Variants in EXT1 observed in about 807,000 individuals in gnomAD.
EXT1 encodes exostosin glycosyltransferase 1.
Under a neutral mutation model 82.5 loss-of-function variants are expected in EXT1, and 20 were observed. The ratio of observed to expected loss-of-function variants is 0.24; its 90% CI spans 0.17 to 0.35. EXT1 has a LOEUF of 0.35. Among genes scored for constraint, EXT1 ranks in the 10% least tolerant of loss-of-function variants. The probability of loss-of-function intolerance (pLI) is 1.00; values close to 1 mark genes in which losing one functional copy is unlikely to be tolerated. For synonymous variants in EXT1, 348 were observed against 350.8 expected, an observed-to-expected ratio of 0.99 and a Z score of 0.09; for missense variants, 757 against 936.5, an observed-to-expected ratio of 0.81 and a Z score of 2.50.
At chr8:117,927,121 CAG>C (rs1275677913) in intron 1 of EXT1, among the ~76,000 whole-genome samples, 1 of 152,184 alleles carries the variant, frequency 6.6e-6, no homozygotes, top group Non-Finnish European at 1.5e-5. Context: ...AGGATAAAGG[CAG>C]AGTTACAAAC....
chr8:117,819,173 G>A (rs894138648), intron 6 of EXT1, among the ~76,000 whole-genome samples: 7 of 152,154 alleles, frequency 4.6e-5, no homozygotes, highest in Non-Finnish European at 7.4e-5. Context: ...TTCAATATGG[G>A]AGGAACACTG....
intron 8 of EXT1, among the ~76,000 whole-genome samples, chr8:117,811,865 C>T (rs1321146170): frequency 6.6e-6 from 1 of 152,212 alleles, no homozygotes; most frequent in African/African-American, 2.4e-5. Context: ...CTGCCCGCCT[C>T]AGCCTCCCAA....
At position 117,807,261 on chromosome 8, in the gene EXT1, C is replaced by T. The variant is rs765677175; in HGVS notation, c.1839G>A (p.Thr613=). The change falls in exon 9 of 11, where the codon ACG becomes ACA. Residue 613 remains threonine, a synonymous_variant. Coordinates refer to ENST00000378204, the MANE Select transcript of EXT1 (RefSeq NM_000127.3). ...CTGTCAACACCATGGAGTAGTCGTT[C>T]GTCCACTTTGATGTGTATCCCCACC... The part of the protein sequence containing the change: ...KERWGYTSKW[T]NDYSMVLTGA... The T allele has an allele frequency of 3.1e-5, 50 of 1,614,092 alleles. No homozygotes were observed. Among genetic ancestry groups the T allele is most frequent in the Middle Eastern group, 1.6e-4 (1 of 6,082 alleles).
rs1816977241 is a variant in EXT1, at chr8:118,065,949, A to C, written c.962+44136T>G. On this transcript the variant is annotated intron_variant, in intron 1 of 10. Coordinates refer to ENST00000378204, the MANE Select transcript of EXT1 (RefSeq NM_000127.3). ...TTCAGTTGCACATTTGAAGAGAAAG[A>C]GGAGGTGAGAAGAAACTGGACACAA... is the stretch of plus-strand genomic sequence containing the variant. Among the ~76,000 whole-genome samples the C allele has an allele frequency of 2.0e-5, 3 of 152,352 alleles. 1 individual carries two copies. The highest frequency in any genetic ancestry group is 6.8e-3 in the Middle Eastern group (2 of 294).
intron 1 of EXT1, among the ~76,000 whole-genome samples, chr8:117,886,048 C>G (rs1255433052): frequency 1.3e-5 from 2 of 152,142 alleles, no homozygotes; most frequent in East Asian, 3.9e-4. Flanking sequence ...CTCCCTGAAT[C>G]TCAGTTTTAA....
At chr8:117,819,558 A>C in intron 6 of EXT1, 118 bp downstream of exon 6, 1 of 812,092 alleles carries the variant, frequency 1.2e-6, no homozygotes, top group Non-Finnish European at 2.2e-6. Context: ...GTAGCAGGGT[A>C]TGATGTTAGA....
chr8:118,102,654 T>C (rs894920823), intron 1 of EXT1, among the ~76,000 whole-genome samples: 3 of 152,204 alleles, frequency 2.0e-5, no homozygotes, highest in African/African-American at 7.2e-5. Flanking sequence ...CCAGGGTACT[T>C]GGATATGCAG....
Position 117,874,575 on chromosome 8 carries a change from C to CAAAAAAAAAAAAAAAAAAAAAAAAAAA in EXT1, c.963-37375_963-37374insTTTTTTTTTTTTTTTTTTTTTTTTTTT, listed in dbSNP as rs61249983. Among the ~76,000 whole-genome samples the CAAAAAAAAAAAAAAAAAAAAAAAAAAA allele has an allele frequency of 1.6e-3, 109 of 69,722 alleles. 1 individual carries two copies. The highest frequency in any genetic ancestry group is 3.2e-3 in the East Asian group (6 of 1,890). 45.7% of individuals were successfully genotyped at this position (69,722 alleles called of 152,430 possible). A position where few individuals can be genotyped will look rare whatever the true frequency, so the allele number is the denominator to read the frequency against. On this transcript the variant is annotated intron_variant, in intron 1 of 10. Transcript: ENST00000378204. ...TAGGCAACAAAGTGAGACTCTGCCTCAAAAAAAAAAAAAAAAAAGAACAAT... is the reference window on the plus strand; with the variant it reads ...TAGGCAACAAAGTGAGACTCTGCCTCAAAAAAAAAAAAAAAAAAAAAAAAAAAAAAAAAAAAAAAAAAAAAGAACAAT...
intron 1 of EXT1, among the ~76,000 whole-genome samples, chr8:117,930,627 C>T (rs1034993971): frequency 6.6e-6 from 1 of 152,132 alleles, no homozygotes; most frequent in Non-Finnish European, 1.5e-5. Flanking sequence ...ATATAAGTAA[C>T]ATGACAAGTT....
At chr8:118,091,894 G>A in intron 1 of EXT1, among the ~76,000 whole-genome samples, 1 of 151,990 alleles carries the variant, frequency 6.6e-6, no homozygotes, top group East Asian at 1.9e-4. Context: ...AAGTTTTTCT[G>A]CACTAAAAGG....
At position 118,052,860 on chromosome 8, in the gene EXT1, C is replaced by G. The variant is rs566357796; in HGVS notation, c.962+57225G>C. ...GAGCTTACAAATAATCTGCCTTCCCCAAGGTACATGGCTCCAGGACACCTC... is the reference window on the plus strand; with the variant it reads ...GAGCTTACAAATAATCTGCCTTCCCGAAGGTACATGGCTCCAGGACACCTC... On this transcript the variant is annotated intron_variant, in intron 1 of 10. Transcript: ENST00000378204. Among the ~76,000 whole-genome samples the G allele has an allele frequency of 2.6e-3, 390 of 152,310 alleles. 3 individuals are homozygous for G. The highest frequency in any genetic ancestry group is 2.4e-3 in the Non-Finnish European group (165 of 68,024).
At chr8:118,018,475 A>G (rs1364769433) in intron 1 of EXT1, among the ~76,000 whole-genome samples, 2 of 152,136 alleles carry the variant, frequency 1.3e-5, no homozygotes, top group Admixed American at 6.6e-5. Flanking sequence ...ACGGAAGGAA[A>G]ACAGCCCTGG....
chr8:117,803,075 T>A (rs900851998), intron 10 of EXT1, among the ~76,000 whole-genome samples: 20 of 152,244 alleles, frequency 1.3e-4, no homozygotes, highest in African/African-American at 4.6e-4. Flanking sequence ...CCCCTCAAAA[T>A]TGAACTAATA....
At chr8:118,092,250 G>A (rs1253623431) in intron 1 of EXT1, among the ~76,000 whole-genome samples, 2 of 152,138 alleles carry the variant, frequency 1.3e-5, no homozygotes, top group African/African-American at 2.4e-5. Flanking sequence ...TTGAAAAGGA[G>A]ATATAGAAAA....
chr8:118,010,687 C>T (rs72673985), intron 1 of EXT1, among the ~76,000 whole-genome samples: 4,646 of 152,276 alleles, frequency 0.031, 73 homozygotes, highest in Non-Finnish European at 0.038. Context: ...GCTCCCAGTA[C>T]CCTGGGCTGA....
intron 1 of EXT1, among the ~76,000 whole-genome samples, chr8:118,009,748 A>C (rs965639530): frequency 1.3e-5 from 2 of 152,290 alleles, no homozygotes; most frequent in African/African-American, 4.8e-5. Flanking sequence ...CACGCTCCTT[A>C]TGAGAGTCTA....
In EXT1 at chr8:118,060,724, C is replaced by T. The variant is rs111588043; in HGVS notation, c.962+49361G>A. On this transcript the variant is annotated intron_variant, in intron 1 of 10. Coordinates refer to ENST00000378204, the MANE Select transcript of EXT1 (RefSeq NM_000127.3). ...TAAAGGAGAGATGATTAAGAAGAGG[C>T]ACATACCTTAAGCAATTAGGGCTGT... 3.7e-4 allele frequency among the ~76,000 whole-genome samples: 57 copies of T among 152,298 alleles called. 1 individual carries two copies. The highest frequency in any genetic ancestry group is 2.3e-3 in the South Asian group (11 of 4,832).
Position 118,043,479 on chromosome 8 carries a change from G to A in EXT1, c.962+66606C>T, listed in dbSNP as rs2445921. 5.1e-4 allele frequency among the ~76,000 whole-genome samples: 77 copies of A among 152,292 alleles called. 2 individuals are homozygous for A. In the East Asian group the frequency reaches 0.013, roughly 27 times the overall value. On this transcript the variant is annotated intron_variant, in intron 1 of 10. Transcript: ENST00000378204. Reference sequence around the variant, plus strand: ...TCCACAGACTAATGCCATCACATGTGACTTTTTTTCTCACACTGAAGTATC... The same window carrying A: ...TCCACAGACTAATGCCATCACATGTAACTTTTTTTCTCACACTGAAGTATC...
At chr8:117,870,099 T>TAA (rs1029620600) in intron 1 of EXT1, among the ~76,000 whole-genome samples, 1 of 150,138 alleles carries the variant, frequency 6.7e-6, no homozygotes, top group Non-Finnish European at 1.5e-5. Flanking sequence ...CTCCTTACTT[T>TAA]AAAAAAAAAA....
Sources: allele counts gnomAD v4.1 joint callset (sites outside exome capture counted in the v4.1 genomes callset), GRCh38; gene constraint gnomAD v4.1.1; transcripts MANE v1.5; gene names NCBI Gene and HGNC (gene_info 2026-07-23, HGNC 2026-07-21).